DERA: variants seen among roughly 807,000 people sequenced by gnomAD.
DERA encodes 2-deoxy-D-ribose 5-phosphate aldolase.
Under a neutral mutation model 41.1 loss-of-function variants are expected in DERA, and 15 were observed. The observed-to-expected ratio is 0.37, with a 90% confidence interval of 0.24 to 0.56. The LOEUF is 0.56. Among genes scored for constraint, DERA ranks in the 20% least tolerant of loss-of-function variants. The probability of loss-of-function intolerance (pLI) is 0.81; values close to 1 mark genes in which losing one functional copy is unlikely to be tolerated. For synonymous variants in DERA, 139 were observed against 137.4 expected, an observed-to-expected ratio of 1.01 and a Z score of -0.08; for missense variants, 396 against 403.4, an observed-to-expected ratio of 0.98 and a Z score of 0.16.
Position 16,009,574 on chromosome 12 carries a change from C to G in DERA, c.638-22968C>G, listed in dbSNP as rs139464065. ...GTCTCTAACCCAGTTTCCCAAATGC[C>G]TTTTTACTTTGTAGGTTATCATTGT... On this transcript the variant is annotated intron_variant, in intron 6 of 8. Transcript: ENST00000428559. This position sits in a 1 kb window ranked among gnomAD's most constrained non-coding sequence, Gnocchi z 5.3. Among the ~76,000 whole-genome samples, 9 of 152,198 alleles carry G rather than the reference C, an allele frequency of 5.9e-5. No individual in the cohort carries two copies. The highest frequency in any genetic ancestry group is 1.0e-4 in the Non-Finnish European group (7 of 68,008).
rs921962149 is a variant in DERA, at chr12:16,000,641, G to C, written c.637+18205G>C. On this transcript the variant is annotated intron_variant, in intron 6 of 8. Transcript: ENST00000428559. The surrounding 1 kb of genome is among the most constrained non-coding windows in gnomAD (Gnocchi z 4.8). ...GGGACAACGGAGGAGGAACTGAATAGTCAATGAAATTGGAAAGAATTTAGA... is the reference window on the plus strand; with the variant it reads ...GGGACAACGGAGGAGGAACTGAATACTCAATGAAATTGGAAAGAATTTAGA... 1.3e-5 allele frequency among the ~76,000 whole-genome samples: 2 copies of C among 152,190 alleles called. No individual in the cohort carries two copies. The highest frequency in any genetic ancestry group is 6.5e-5 in the Admixed American group (1 of 15,282).
At chr12:15,987,113 C>T (rs1417360618) in intron 6 of DERA, among the ~76,000 whole-genome samples, 1 of 151,968 alleles carries the variant, frequency 6.6e-6, no homozygotes, top group African/African-American at 2.4e-5. Flanking sequence ...GTAATTTGAC[C>T]ACAACCGACC....
At chr12:16,029,404 G>A (rs1201248970) in intron 6 of DERA, among the ~76,000 whole-genome samples, 1 of 151,374 alleles carries the variant, frequency 6.6e-6, no homozygotes, top group Non-Finnish European at 1.5e-5. Context: ...TCCAGCCTGG[G>A]TGACAGAGCG....
chr12:15,955,901 CTT>C (rs1663316207), intron 1 of DERA, among the ~76,000 whole-genome samples: 1 of 152,152 alleles, frequency 6.6e-6, no homozygotes, highest in South Asian at 2.1e-4. Context: ...CCACAGTACT[CTT>C]TTAAGGCTCT....
At chr12:15,925,602 C>T (rs911104847) in intron 1 of DERA, among the ~76,000 whole-genome samples, 1 of 152,110 alleles carries the variant, frequency 6.6e-6, no homozygotes, top group East Asian at 1.9e-4. Context: ...ACCTTTATAA[C>T]TTATCTGTAA....
chr12:15,946,629 A>G (rs1240594168), intron 1 of DERA, among the ~76,000 whole-genome samples: 1 of 150,690 alleles, frequency 6.6e-6, no homozygotes, highest in Non-Finnish European at 1.5e-5. Context: ...CTTCTTTATT[A>G]GTCTTGCTAG....
In DERA at chr12:16,001,750, G is replaced by A. The variant is rs1948876161; in HGVS notation, c.637+19314G>A. Among the ~76,000 whole-genome samples the A allele has an allele frequency of 6.6e-6, 1 of 152,186 alleles. No homozygotes were observed. Among genetic ancestry groups the A allele is most frequent in the South Asian group, 2.1e-4 (1 of 4,828 alleles). ...CCAGGAGGGCGAGGTCATGAGTTAG[G>A]AGAACACTAAGACCGAATGCTCTGT... On this transcript the variant is annotated intron_variant, in intron 6 of 8. Coordinates refer to ENST00000428559, the MANE Select transcript of DERA (RefSeq NM_015954.4). This position sits in a 1 kb window ranked among gnomAD's most constrained non-coding sequence, Gnocchi z 4.1.
chr12:15,946,441 C>T (rs1400889502), intron 1 of DERA, among the ~76,000 whole-genome samples: 1 of 152,122 alleles, frequency 6.6e-6, no homozygotes, highest in Non-Finnish European at 1.5e-5. Context: ...TCAACTTCTT[C>T]CTGGTTTAGT....
rs1276779493 is a variant in DERA at position 16,011,257 on chromosome 12, T to C, written c.638-21285T>C. On this transcript the variant is annotated intron_variant, in intron 6 of 8. Transcript: ENST00000428559. This position sits in a 1 kb window ranked among gnomAD's most constrained non-coding sequence, Gnocchi z 4.7. Reference sequence around the variant, plus strand: ...ATTTTGTTAAAATGTTTCTTCATTTTACTCATCTTTGCCAAAGCATAGTGA... The same window carrying C: ...ATTTTGTTAAAATGTTTCTTCATTTCACTCATCTTTGCCAAAGCATAGTGA... 6.6e-6 allele frequency among the ~76,000 whole-genome samples: 1 copy of C among 152,242 alleles called. No homozygotes were observed.
In DERA at chr12:15,974,126, G is replaced by C. The variant is rs566084825; in HGVS notation, c.509-8182G>C. ...CTGGACCATTTGGGAATAAGTTGCA[G>C]ACCTGTTCACCTGTTACCCTTAAAT... On this transcript the variant is annotated intron_variant, in intron 5 of 8. Coordinates refer to ENST00000428559, the MANE Select transcript of DERA (RefSeq NM_015954.4). Among the ~76,000 whole-genome samples, 16 of 152,164 alleles carry C rather than the reference G, an allele frequency of 1.1e-4. 1 individual carries two copies. The highest frequency in any genetic ancestry group is 3.6e-4 in the African/African-American group (15 of 41,506).
intron 1 of DERA, among the ~76,000 whole-genome samples, chr12:15,934,161 T>A (rs1948349112): frequency 1.3e-5 from 2 of 152,166 alleles, no homozygotes; most frequent in South Asian, 4.1e-4. Flanking sequence ...AGAGTTCCCT[T>A]TTTCCAGGTC....
At position 16,010,450 on chromosome 12, in the gene DERA, C is replaced by T. The variant is rs772886378; in HGVS notation, c.638-22092C>T. Among the ~76,000 whole-genome samples the T allele has an allele frequency of 1.1e-4, 16 of 151,450 alleles. No homozygotes were observed. Among genetic ancestry groups the T allele is most frequent in the Non-Finnish European group, 2.1e-4 (14 of 67,972 alleles). Reference sequence around the variant, plus strand: ...GACCTTTTCTGCTTGTACCTTTACCCATAGATGAGGTTTTCCGAGTTCTGC... The same window carrying T: ...GACCTTTTCTGCTTGTACCTTTACCTATAGATGAGGTTTTCCGAGTTCTGC... On this transcript the variant is annotated intron_variant, in intron 6 of 8. Coordinates refer to ENST00000428559, the MANE Select transcript of DERA (RefSeq NM_015954.4). The surrounding 1 kb of genome is among the most constrained non-coding windows in gnomAD (Gnocchi z 5.5).
At chr12:15,923,017 CTTTTTT>C (rs1208644862) in intron 1 of DERA, among the ~76,000 whole-genome samples, 43 of 104,440 alleles carry the variant, frequency 4.1e-4, no homozygotes, top group Admixed American at 1.6e-3. Context: ...TTTGTTTTTG[CTTTTTT>C]TTTTTTTTTT....
chr12:15,927,539 CAGG>C (rs1948296044), intron 1 of DERA, among the ~76,000 whole-genome samples: 1 of 152,090 alleles, frequency 6.6e-6, no homozygotes, highest in Admixed American at 6.6e-5. Context: ...AGTTAGGCAT[CAGG>C]AGTAATATGA....
At chr12:15,947,362 A>C (rs1201518482) in intron 1 of DERA, among the ~76,000 whole-genome samples, 1 of 152,122 alleles carries the variant, frequency 6.6e-6, no homozygotes, top group East Asian at 1.9e-4. Flanking sequence ...GTAGGTCTCT[A>C]AGGACTTGCT....
rs895405746 is a variant in DERA at position 15,928,789 on chromosome 12, C to T, written c.31+17375C>T. On this transcript the variant is annotated intron_variant, in intron 1 of 8. Coordinates refer to ENST00000428559, the MANE Select transcript of DERA (RefSeq NM_015954.4). This position sits in a 1 kb window ranked among gnomAD's most constrained non-coding sequence, Gnocchi z 4.6. ...AAGTTTGGTTGGTACCAAGGAATGA[C>T]CCTTTATATGTGCAGTTTAAAATGT... Among the ~76,000 whole-genome samples the T allele has an allele frequency of 6.6e-6, 1 of 152,146 alleles. No individual in the cohort carries two copies. The highest frequency in any genetic ancestry group is 6.5e-5 in the Admixed American group (1 of 15,272).
rs1948568332 is a variant in DERA at position 15,959,700 on chromosome 12, C to T, written c.278-129C>T. On this transcript the variant is annotated intron_variant, in intron 3 of 8. Coordinates refer to ENST00000428559, the MANE Select transcript of DERA (RefSeq NM_015954.4). This position sits in a 1 kb window ranked among gnomAD's most constrained non-coding sequence, Gnocchi z 4.5. ...AAAATAAAAATCTTTTAATTTATTG[C>T]AGTATTGTGGGGGAATTATTTTTTT... 3.7e-6 allele frequency: 2 copies of T among 544,414 alleles called. No individual in the cohort carries two copies. The highest frequency in any genetic ancestry group is 6.6e-6 in the Non-Finnish European group (2 of 301,482). 33.7% of individuals were successfully genotyped at this position (544,414 alleles called of 1,614,324 possible).
rs1948898871 is a variant in DERA, at chr12:16,004,787, A to G, written c.637+22351A>G. Among the ~76,000 whole-genome samples, 1 of 152,202 alleles carries G rather than the reference A, an allele frequency of 6.6e-6. No homozygotes were observed. Among genetic ancestry groups the G allele is most frequent in the South Asian group, 2.1e-4 (1 of 4,832 alleles). On this transcript the variant is annotated intron_variant, in intron 6 of 8. Transcript: ENST00000428559. This position sits in a 1 kb window ranked among gnomAD's most constrained non-coding sequence, Gnocchi z 4.2. ...AAAAATTTAAAAAAATCCTACTAAA[A>G]ACTAGGAGATACCTTGGGAGTTTCC...
At chr12:16,029,107 T>A (rs1949072587) in intron 6 of DERA, among the ~76,000 whole-genome samples, 1 of 152,202 alleles carries the variant, frequency 6.6e-6, no homozygotes, top group Non-Finnish European at 1.5e-5. Context: ...TTCTGTATAT[T>A]GAATTTTGTT....
Sources: allele counts gnomAD v4.1 joint callset (sites outside exome capture counted in the v4.1 genomes callset), GRCh38; gene constraint gnomAD v4.1.1; non-coding constraint Gnocchi (gnomAD v3.1); transcripts MANE v1.5; gene names NCBI Gene and HGNC (gene_info 2026-07-23, HGNC 2026-07-21).